The following CHD5 variants were observed in gnomAD, a reference collection of about 807,000 sequenced individuals.
The protein encoded by CHD5 is chromodomain helicase DNA binding protein 5.
Under a neutral mutation model 230.3 loss-of-function variants are expected in CHD5, and 69 were observed. The ratio of observed to expected loss-of-function variants is 0.30; its 90% CI spans 0.25 to 0.37. CHD5 has a LOEUF of 0.37. Ranked by LOEUF, CHD5 falls within the 10% of genes least tolerant of loss-of-function variation. CHD5 has a pLI of 1.00. For synonymous variants in CHD5, 1,064 were observed against 1,065.9 expected (o/e 1.00, Z 0.03); for missense variants, 1,827 against 2,622.8 (o/e 0.70, Z 6.63).
Position 6,167,936 on chromosome 1 carries a change from T to C in CHD5, c.207+214A>G, listed in dbSNP as rs1164457274. Among the ~76,000 whole-genome samples the C allele has an allele frequency of 6.6e-6, 1 of 152,192 alleles. No homozygotes were observed. Among genetic ancestry groups the C allele is most frequent in the East Asian group, 1.9e-4 (1 of 5,196 alleles). On this transcript the variant is annotated intron_variant, in intron 2 of 41. Transcript: ENST00000262450. The surrounding 1 kb of genome is among the most constrained non-coding windows in gnomAD (Gnocchi z 4.5). ...AAGGAAAAATGACGCTCCGACATCCTGCTCCGGAAACAGGACAGCTCAGCA... is the reference window on the plus strand; with the variant it reads ...AAGGAAAAATGACGCTCCGACATCCCGCTCCGGAAACAGGACAGCTCAGCA...
chr1:6,103,651 A>G lies in CHD5; in HGVS notation c.*1823T>C, dbSNP rs1216317580. On this transcript the variant is annotated 3_prime_UTR_variant, in exon 42 of 42. Coordinates refer to ENST00000262450, the MANE Select transcript of CHD5 (RefSeq NM_015557.3). ...CACACAACACGCATGTGGATGAACC[A>G]TAACATGTGAGCCCGCTGACAATCA... The G allele has an allele frequency of 6.6e-6, 1 of 152,300 alleles. No homozygotes were observed. Among genetic ancestry groups the G allele is most frequent in the African/African-American group, 2.4e-5 (1 of 41,454 alleles). The allele number at this position is 152,300 out of a possible 1,614,324, so 9.4% of individuals were successfully genotyped here.
intron 25 of CHD5, chr1:6,127,302 C>T (rs558913561): frequency 6.4e-6 from 1 of 156,664 alleles, no homozygotes; most frequent in South Asian, 1.9e-4. Context: ...GCCTGGCCAA[C>T]ATGGCAAAGT....
chr1:6,142,501 G>A lies in CHD5; in HGVS notation c.2148C>T (p.Ala716=), dbSNP rs1466906369. ...CGGCCAGGATGGTGTCAGTGCCCTGGGCCCAAGAGAAGCGCAGCCAGTTGA... is the reference window on the plus strand; with the variant it reads ...CGGCCAGGATGGTGTCAGTGCCCTGAGCCCAAGAGAAGCGCAGCCAGTTGA... ...EGLNWLRFSW[A]QGTDTILADE... Residue 716 remains alanine (A), a synonymous_variant, in exon 14 of 42, where the codon GCC becomes GCT. Transcript: ENST00000262450. This position sits in a 1 kb window ranked among gnomAD's most constrained non-coding sequence, Gnocchi z 5.2. 1.2e-6 allele frequency: 2 copies of A among 1,614,126 alleles called. No individual in the cohort carries two copies. The highest frequency in any genetic ancestry group is 2.2e-5 in the South Asian group (2 of 91,082).
At position 6,146,975 on chromosome 1, in the gene CHD5, A is replaced by G. The variant is rs566391557; in HGVS notation, c.1384-104T>C. The stretch of plus-strand genomic sequence containing the variant: ...ATGCAGGCTCCCTCCCATCAGTGCC[A>G]CTGCCCCCAAGTCAGAACAGTACCA... On this transcript the variant is annotated intron_variant, in intron 9 of 41. Transcript: ENST00000262450. The surrounding 1 kb of genome is among the most constrained non-coding windows in gnomAD (Gnocchi z 5.1). 2.3e-6 allele frequency: 2 copies of G among 873,208 alleles called. No individual in the cohort carries two copies. The highest frequency in any genetic ancestry group is 5.9e-5 in the Admixed American group (2 of 33,706). The allele number at this position is 873,208 out of a possible 1,614,324, so 54.1% of individuals were successfully genotyped here. A position where few individuals can be genotyped will look rare whatever the true frequency, so the allele number is the denominator to read the frequency against.
In CHD5 at chr1:6,113,005, G is replaced by C. The variant is rs772200792; in HGVS notation, c.4913-7C>G. ...TTCTCAGGAAGCACCTCCTCTGCAAGAAAAAGAGGGTTCGCGGCATGGGGT... is the reference window on the plus strand; with the variant it reads ...TTCTCAGGAAGCACCTCCTCTGCAACAAAAAGAGGGTTCGCGGCATGGGGT... On this transcript the variant is annotated splice_polypyrimidine_tract_variant and splice_region_variant and intron_variant, in intron 33 of 41. Coordinates refer to ENST00000262450, the MANE Select transcript of CHD5 (RefSeq NM_015557.3). The C allele has an allele frequency of 3.6e-5, 57 of 1,604,698 alleles. No individual in the cohort carries two copies. The highest frequency in any genetic ancestry group is 4.9e-5 in the Non-Finnish European group (57 of 1,171,868).
rs1421825874 is a variant in CHD5, at chr1:6,131,397, C to T, written c.3262+234G>A. ...GCGTCAATATTAGAGGCCCCGTCTG[C>T]GTTTCTCATTGTCTAACTCCATTCC... On this transcript the variant is annotated intron_variant, in intron 21 of 41. Transcript: ENST00000262450. This position sits in a 1 kb window ranked among gnomAD's most constrained non-coding sequence, Gnocchi z 5.0. 2.0e-5 allele frequency among the ~76,000 whole-genome samples: 3 copies of T among 152,190 alleles called. No individual in the cohort carries two copies. Among genetic ancestry groups the T allele is most frequent in the African/African-American group, 4.8e-5 (2 of 41,456 alleles).
chr1:6,123,747 A>G (rs951578837), intron 31 of CHD5, among the ~76,000 whole-genome samples: 1 of 152,106 alleles, frequency 6.6e-6, no homozygotes, highest in African/African-American at 2.4e-5. Context: ...AAAAGAGTGA[A>G]TTTTGCAGTA....
At position 6,179,939 on chromosome 1, in the gene CHD5, G is replaced by A. The variant is rs1351100322; in HGVS notation, c.79+6C>T. ...CTGGCCCCAGGCGCACCCGCGCCCC[G>A]CTCACCTGACATCTCGTCCTCATTC... On this transcript the variant is annotated splice_donor_region_variant and intron_variant, in intron 1 of 41. Transcript: ENST00000262450. 2 of 1,322,844 alleles carry A rather than the reference G, an allele frequency of 1.5e-6. No individual in the cohort carries two copies. The highest frequency in any genetic ancestry group is 2.0e-6 in the Non-Finnish European group (2 of 1,018,576). The allele number at this position is 1,322,844 out of a possible 1,614,324, so 81.9% of individuals were successfully genotyped here.
intron 18 of CHD5, 44 bp downstream of exon 18, chr1:6,135,186 G>T (rs775194052): frequency 6.2e-7 from 1 of 1,610,352 alleles, no homozygotes; most frequent in Non-Finnish European, 8.5e-7. Flanking sequence ...CAGCCCAGGG[G>T]AAAGGGCGAG....
rs1250408396 is a variant in CHD5 at position 6,179,961 on chromosome 1, A to T, written c.63T>A (p.Asn21Lys). Residue 21 changes from asparagine (N) to lysine (K), a missense_variant, in exon 1 of 42, where the codon AAT becomes AAA. Asn to Lys is a moderately conservative substitution (Grantham distance 94, BLOSUM62 0). Transcript: ENST00000262450. ...CCCGCTCACCTGACATCTCGTCCTC[A>T]TTCTCCATCTCCTCGGCGAACAGCC... ...LPRLFAEEMENEDEMSEEEDG... is the reference protein window; with the variant it reads ...LPRLFAEEMEKEDEMSEEEDG... 2 of 1,359,070 alleles carry T rather than the reference A, an allele frequency of 1.5e-6. No homozygotes were observed. Among genetic ancestry groups the T allele is most frequent in the Non-Finnish European group, 1.9e-6 (2 of 1,040,980 alleles). 84.2% of individuals were successfully genotyped at this position (1,359,070 alleles called of 1,614,324 possible).
At chr1:6,117,203 A>G (rs757409281) in intron 33 of CHD5, among the ~76,000 whole-genome samples, 9 of 152,204 alleles carry the variant, frequency 5.9e-5, no homozygotes, top group South Asian at 2.1e-4. Context: ...AAGATAACAG[A>G]ATTCCATCCA....
intron 2 of CHD5, among the ~76,000 whole-genome samples, chr1:6,165,039 T>C (rs534307174): frequency 1.1e-4 from 16 of 151,592 alleles, no homozygotes; most frequent in African/African-American, 2.4e-4. Flanking sequence ...CAGAGAGAGA[T>C]AAGGACCTGG....
rs1240953018 is a variant in CHD5 at position 6,105,452 on chromosome 1, A to T, written c.*47-25T>A. The T allele has an allele frequency of 2.1e-6, 1 of 469,898 alleles. No individual in the cohort carries two copies. Among genetic ancestry groups the T allele is most frequent in the Non-Finnish European group, 4.4e-6 (1 of 226,700 alleles). The allele number at this position is 469,898 out of a possible 1,614,324, so 29.1% of individuals were successfully genotyped here. A position where few individuals can be genotyped will look rare whatever the true frequency, so the allele number is the denominator to read the frequency against. On this transcript the variant is annotated intron_variant, in intron 41 of 41. Transcript: ENST00000262450. This position sits in a 1 kb window ranked among gnomAD's most constrained non-coding sequence, Gnocchi z 4.8. ...GCTGCAAAACGCAAATCAGTGGGTT[A>T]AGCAGGTGGGCAGTTATAGGGGGCA...
intron 15 of CHD5, among the ~76,000 whole-genome samples, chr1:6,138,662 T>C (rs1159497705): frequency 2.6e-5 from 4 of 152,226 alleles, no homozygotes; most frequent in Non-Finnish European, 4.4e-5. Flanking sequence ...TCCTCGCCTA[T>C]CTAGGTGAAG....
At chr1:6,176,952 T>C (rs890742788) in intron 1 of CHD5, among the ~76,000 whole-genome samples, 2 of 152,052 alleles carry the variant, frequency 1.3e-5, no homozygotes, top group Admixed American at 6.5e-5. Flanking sequence ...CGCCCTGCCT[T>C]CCTCCTAGAA....
At position 6,134,025 on chromosome 1, in the gene CHD5, C is replaced by T; in HGVS notation, c.3144+103G>A. ...TCACATGACCCACATGGGAACGGCA[C>T]TGGGCCCTGAGGGGTGCCAGCAAGT... On this transcript the variant is annotated intron_variant, in intron 20 of 41. Coordinates refer to ENST00000262450, the MANE Select transcript of CHD5 (RefSeq NM_015557.3). This position sits in a 1 kb window ranked among gnomAD's most constrained non-coding sequence, Gnocchi z 6.3. 8.5e-7 allele frequency: 1 copy of T among 1,170,958 alleles called. No individual in the cohort carries two copies. The highest frequency in any genetic ancestry group is 1.2e-6 in the Non-Finnish European group (1 of 820,626). 72.5% of individuals were successfully genotyped at this position (1,170,958 alleles called of 1,614,324 possible).
Position 6,167,332 on chromosome 1 carries a change from C to A in CHD5, c.207+818G>T, listed in dbSNP as rs1667271311. Among the ~76,000 whole-genome samples, 1 of 152,214 alleles carries A rather than the reference C, an allele frequency of 6.6e-6. No individual in the cohort carries two copies. Among genetic ancestry groups the A allele is most frequent in the African/African-American group, 2.4e-5 (1 of 41,450 alleles). On this transcript the variant is annotated intron_variant, in intron 2 of 41. Coordinates refer to ENST00000262450, the MANE Select transcript of CHD5 (RefSeq NM_015557.3). The surrounding 1 kb of genome is among the most constrained non-coding windows in gnomAD (Gnocchi z 4.5). Reference sequence around the variant, plus strand: ...GGCACCTCTGAGCCCCCGCTCTCATCTGTGAAGTGAGGTGCTTGCCATTGC... The same window carrying A: ...GGCACCTCTGAGCCCCCGCTCTCATATGTGAAGTGAGGTGCTTGCCATTGC...
intron 33 of CHD5, among the ~76,000 whole-genome samples, chr1:6,120,764 G>A (rs1179362252): frequency 1.3e-5 from 2 of 152,166 alleles, no homozygotes; most frequent in African/African-American, 4.8e-5. Flanking sequence ...TTAGCTGGGT[G>A]TGGTGGTACA....
chr1:6,158,128 C>T (rs1044605584), intron 3 of CHD5, among the ~76,000 whole-genome samples: 9 of 152,252 alleles, frequency 5.9e-5, no homozygotes, highest in South Asian at 2.1e-4. Flanking sequence ...CACCCACTGC[C>T]TGTCCACCAA....
Sources: allele counts gnomAD v4.1 joint callset (sites outside exome capture counted in the v4.1 genomes callset), GRCh38; gene constraint gnomAD v4.1.1; non-coding constraint Gnocchi (gnomAD v3.1); transcripts MANE v1.5; gene names NCBI Gene and HGNC (gene_info 2026-07-23, HGNC 2026-07-21).